The following RAB37 variants were observed in gnomAD, a reference collection of about 807,000 sequenced individuals.
RAB37 encodes the protein RAB37, member RAS oncogene family, also known as ras-related protein Rab-37.
Under a neutral mutation model 33.1 loss-of-function variants are expected in RAB37, and 29 were observed. The observed-to-expected ratio is 0.88, with a 90% CI of 0.65 to 1.20. The LOEUF is 1.20. RAB37 is among the 50% of genes most tolerant of loss of function. The pLI is 0.00. For missense variants in RAB37, 299 were observed against 301.1 expected (o/e 0.99, Z 0.05); for synonymous variants, 128 against 119.5 (o/e 1.07, Z -0.47).
intron 1 of RAB37, among the ~76,000 whole-genome samples, chr17:74,682,097 C>T (rs763902147): frequency 6.6e-5 from 10 of 152,172 alleles, no homozygotes; most frequent in Non-Finnish European, 1.0e-4. Context: ...TAAATCATTT[C>T]GGTTGAATTC....
chr17:74,703,250 A>G, intron 1 of RAB37: 2 of 813,592 alleles, frequency 2.5e-6, no homozygotes, highest in East Asian at 2.7e-5. Flanking sequence ...CTGGACTGCT[A>G]CTATGGGAAG....
chr17:74,729,406 C>G lies in RAB37; in HGVS notation c.183+40C>G. 1 of 1,408,100 alleles carries G rather than the reference C, an allele frequency of 7.1e-7. No homozygotes were observed. Among genetic ancestry groups the G allele is most frequent in the Non-Finnish European group, 1.0e-6 (1 of 991,946 alleles). 87.2% of individuals were successfully genotyped at this position (1,408,100 alleles called of 1,614,324 possible). On this transcript the variant is annotated intron_variant, in intron 2 of 7. Coordinates refer to the RAB37 transcript ENST00000340415. This position sits in a 1 kb window ranked among gnomAD's most constrained non-coding sequence, Gnocchi z 4.2. ...GCACTGCCAGCTCTGGGCCTGGGCT[C>G]AGGACCCCAGCGTGTTTCTGTTGAG...
At chr17:74,688,398 A>G (rs1411872831) in intron 1 of RAB37, among the ~76,000 whole-genome samples, 1 of 151,918 alleles carries the variant, frequency 6.6e-6, no homozygotes, top group Non-Finnish European at 1.5e-5. Flanking sequence ...AAAAAATACA[A>G]AAAAATTAGC....
Position 74,671,516 on chromosome 17 carries a change from C to T in RAB37, c.-71C>T. 1 of 1,488,376 alleles carries T rather than the reference C, an allele frequency of 6.7e-7. No individual in the cohort carries two copies. Among genetic ancestry groups the T allele is most frequent in the Non-Finnish European group, 9.3e-7 (1 of 1,070,834 alleles). 92.2% of individuals were successfully genotyped at this position (1,488,376 alleles called of 1,614,324 possible). On this transcript the variant is annotated 5_prime_UTR_variant, in exon 1 of 8. Coordinates refer to the RAB37 transcript ENST00000340415. This position sits in a 1 kb window ranked among gnomAD's most constrained non-coding sequence, Gnocchi z 5.0. ...CCCAAGCCTGCCGCACCCAGCGGAGCTCGAACCGAGCTCCTGGAAGCGCTG... is the reference window on the plus strand; with the variant it reads ...CCCAAGCCTGCCGCACCCAGCGGAGTTCGAACCGAGCTCCTGGAAGCGCTG...
chr17:74,692,540 AC>A (rs1347475124), intron 1 of RAB37, among the ~76,000 whole-genome samples: 2 of 151,868 alleles, frequency 1.3e-5, no homozygotes, highest in African/African-American at 4.8e-5. Context: ...ACAGCCTCCT[AC>A]CTGCTGGGTC....
At position 74,730,137 on chromosome 17, in the gene RAB37, A is replaced by G. The variant is rs1273567680; in HGVS notation, c.183+771A>G. ...CAGCTGCCCTTGAATTCCTGGGAAG[A>G]CCTTGGGAGAGGGTTCCACTCCTCT... On this transcript the variant is annotated intron_variant, in intron 2 of 7. Transcript: ENST00000340415. This position sits in a 1 kb window ranked among gnomAD's most constrained non-coding sequence, Gnocchi z 4.4. 1.3e-5 allele frequency among the ~76,000 whole-genome samples: 2 copies of G among 152,068 alleles called. No homozygotes were observed.
chr17:74,689,434 C>T (rs749193915), intron 1 of RAB37, among the ~76,000 whole-genome samples: 15 of 151,662 alleles, frequency 9.9e-5, no homozygotes, highest in Non-Finnish European at 1.6e-4. Context: ...CAGAGCAAGA[C>T]TCTGTCTGGA....
chr17:74,726,547 C>G (rs2034310158), intron 1 of RAB37, among the ~76,000 whole-genome samples: 1 of 152,162 alleles, frequency 6.6e-6, no homozygotes, highest in South Asian at 2.1e-4. Flanking sequence ...TTCTTAAAGC[C>G]TGAGGAAGTT....
intron 1 of RAB37, among the ~76,000 whole-genome samples, chr17:74,727,463 G>T (rs1453538388): frequency 1.3e-5 from 2 of 152,238 alleles, no homozygotes; most frequent in Non-Finnish European, 2.9e-5. Flanking sequence ...GCAGTATCTG[G>T]AGGGTTGTGC....
intron 1 of RAB37, chr17:74,695,851 C>T (rs540510532): frequency 6.2e-7 from 1 of 1,613,602 alleles, no homozygotes; most frequent in South Asian, 1.1e-5. Flanking sequence ...CCTCCAGGGG[C>T]TGCAGTACCT....
At chr17:74,736,772 TCGGG>T, upstream of RAB37, 1 of 1,535,362 alleles carries the variant, frequency 6.5e-7, no homozygotes, top group East Asian at 2.4e-5. Flanking sequence ...TCAGATGAGC[TCGGG>T]CCGGGTGACT....
intron 1 of RAB37, among the ~76,000 whole-genome samples, chr17:74,674,333 G>T (rs146096388): frequency 6.7e-6 from 1 of 149,846 alleles, no homozygotes; most frequent in Non-Finnish European, 1.5e-5. Flanking sequence ...CCACCCGCTC[G>T]GCCTCCCAAA....
intron 1 of RAB37, among the ~76,000 whole-genome samples, chr17:74,724,454 T>C (rs1397705158): frequency 4.6e-5 from 7 of 152,246 alleles, no homozygotes; most frequent in African/African-American, 1.7e-4. Context: ...GCTTGAGCTT[T>C]CCTTAGTGAT....
intron 1 of RAB37, among the ~76,000 whole-genome samples, chr17:74,726,892 G>A (rs564755275): frequency 6.6e-6 from 1 of 152,266 alleles, no homozygotes; most frequent in Non-Finnish European, 1.5e-5. Flanking sequence ...TTGAATTCTT[G>A]TCTTTGGAAA....
chr17:74,718,694 A>G (rs939535023), intron 1 of RAB37, among the ~76,000 whole-genome samples: 1 of 152,336 alleles, frequency 6.6e-6, no homozygotes, highest in Non-Finnish European at 1.5e-5. Flanking sequence ...TCCCACTACA[A>G]AAGTAATGTG....
chr17:74,732,251 C>A (rs888344402), intron 2 of RAB37, among the ~76,000 whole-genome samples: 1 of 152,184 alleles, frequency 6.6e-6, no homozygotes, highest in Non-Finnish European at 1.5e-5. Flanking sequence ...AGTAAAACCA[C>A]GTGGGGGGCC....
chr17:74,680,788 G>A (rs2031939413), intron 1 of RAB37, among the ~76,000 whole-genome samples: 1 of 152,172 alleles, frequency 6.6e-6, no homozygotes, highest in Non-Finnish European at 1.5e-5. Context: ...GAGGGAAAGG[G>A]AAGGGATGTT....
At chr17:74,696,903 T>TGTTTGGTTTGGTTTG (rs72122986) in intron 1 of RAB37, among the ~76,000 whole-genome samples, 65 of 146,824 alleles carry the variant, frequency 4.4e-4, no homozygotes, top group Non-Finnish European at 5.8e-4. Context: ...GGACCGATTT[T>TGTTTGGTTTGGTTTG]GTTTGGTTTG....
chr17:74,671,491 C>G lies in RAB37; in HGVS notation c.-96C>G. ...TGCGGCCCGGCCCGCAGAGCTCAGA[C>G]CCAAGCCTGCCGCACCCAGCGGAGC... On this transcript the variant is annotated 5_prime_UTR_variant, in exon 1 of 8. Coordinates refer to the RAB37 transcript ENST00000340415. The surrounding 1 kb of genome is among the most constrained non-coding windows in gnomAD (Gnocchi z 5.0). 11 of 1,210,254 alleles carry G rather than the reference C, an allele frequency of 9.1e-6. No individual in the cohort carries two copies. In the South Asian group the frequency reaches 1.2e-4, roughly 14 times the overall value. 75.0% of individuals were successfully genotyped at this position (1,210,254 alleles called of 1,614,324 possible). A position where few individuals can be genotyped will look rare whatever the true frequency, so the allele number is the denominator to read the frequency against.
Sources: gnomAD v4.1 joint callset for allele counts (sites outside exome capture counted in the v4.1 genomes callset) on GRCh38, gnomAD v4.1.1 for gene constraint, Gnocchi (gnomAD v3.1) non-coding constraint, MANE v1.5 for transcripts, NCBI Gene and HGNC (gene_info 2026-07-23, HGNC 2026-07-21) for gene names.